Variants in TEX101 observed in about 807,000 individuals in gnomAD.
TEX101 encodes the protein testis-expressed protein 101.
Under a neutral mutation model 18.1 loss-of-function variants are expected in TEX101, and 10 were observed. The ratio of observed to expected loss-of-function variants is 0.55; its 90% CI spans 0.34 to 0.94. The LOEUF (loss-of-function observed/expected upper bound fraction) is 0.94. TEX101 is among the 40% of genes least tolerant of loss of function. TEX101 has a pLI of 0.02. For synonymous variants in TEX101, 94 were observed against 114.8 expected (o/e 0.82, Z 1.16); for missense variants, 259 against 298.9 (o/e 0.87, Z 0.98).
chr19:43,398,266 A>T (rs200835700), upstream of TEX101, among the ~76,000 whole-genome samples: 34 of 125,156 alleles, frequency 2.7e-4, no homozygotes, highest in East Asian at 5.8e-3. Flanking sequence ...AATATATATA[A>T]AAATATATAT....
the TEX101 span, among the ~76,000 whole-genome samples, chr19:43,393,302 A>G: frequency 1.2e-4 from 18 of 152,284 alleles, no homozygotes; most frequent in Admixed American, 5.2e-4. Flanking sequence ...GGGCGACCCA[A>G]TGCCCAGTGC....
chr19:43,404,286 T>C (rs549401284), intron 2 of TEX101, among the ~76,000 whole-genome samples: 80 of 152,284 alleles, frequency 5.3e-4, no homozygotes, highest in Non-Finnish European at 6.6e-4. Flanking sequence ...TGGGAATTAC[T>C]TCAGAGGAAT....
chr19:43,416,198 A>T lies in TEX101; in HGVS notation c.164A>T (p.Asp55Val). The T allele has an allele frequency of 6.2e-7, 1 of 1,612,156 alleles. No homozygotes were observed. The highest frequency in any genetic ancestry group is 1.7e-5 in the Admixed American group (1 of 59,198). The change falls in exon 3 of 6, where the codon GAC becomes GTC. Residue 55 changes from aspartate to valine, a missense_variant. Asp to Val is a radical substitution (Grantham distance 152). Coordinates refer to ENST00000598265, the MANE Select transcript of TEX101 (RefSeq NM_001130011.3). Reference protein sequence around the residue: ...NWTTEEVETCDKGALCQETIL... With the variant: ...NWTTEEVETCVKGALCQETIL... Reference sequence around the variant, plus strand: ...ACCACAGAGGAAGTGGAGACTTGTGACAAAGGGGCACTTTGCCAGGAAACC... The same window carrying T: ...ACCACAGAGGAAGTGGAGACTTGTGTCAAAGGGGCACTTTGCCAGGAAACC...
upstream of TEX101, among the ~76,000 whole-genome samples, chr19:43,398,740 C>A (rs1023953352): frequency 2.0e-5 from 3 of 152,124 alleles, no homozygotes; most frequent in African/African-American, 7.2e-5. Context: ...CAAACTGAAA[C>A]CTGCGTTGTT....
chr19:43,411,108 GCT>G (rs1295711196), upstream of TEX101, among the ~76,000 whole-genome samples: 1 of 152,096 alleles, frequency 6.6e-6, no homozygotes, highest in African/African-American at 2.4e-5. Context: ...ACAGAGTCTT[GCT>G]CTGTCACCCA....
the TEX101 span, among the ~76,000 whole-genome samples, chr19:43,390,651 C>G: frequency 6.6e-6 from 1 of 150,636 alleles, no homozygotes; most frequent in Non-Finnish European, 1.5e-5. Context: ...GTAGTTTTAG[C>G]AGAGAGGGGA....
chr19:43,391,869 G>A, the TEX101 span, among the ~76,000 whole-genome samples: 1 of 152,212 alleles, frequency 6.6e-6, no homozygotes, highest in Non-Finnish European at 1.5e-5. Context: ...GCATTGGTGA[G>A]AGGATGTGAC....
the TEX101 span, among the ~76,000 whole-genome samples, chr19:43,396,199 A>G: frequency 1.3e-5 from 2 of 152,172 alleles, no homozygotes; most frequent in African/African-American, 2.4e-5. Flanking sequence ...ACCAGCACCA[A>G]GTGGAGAGAT....
chr19:43,391,986 C>G, the TEX101 span, among the ~76,000 whole-genome samples: 17 of 152,258 alleles, frequency 1.1e-4, no homozygotes, highest in African/African-American at 4.1e-4. Context: ...AGCACAGAAC[C>G]CTGCTGGCCA....
upstream of TEX101, among the ~76,000 whole-genome samples, chr19:43,399,146 C>A (rs1384670204): frequency 6.6e-6 from 1 of 152,116 alleles, no homozygotes; most frequent in African/African-American, 2.4e-5. Context: ...CACTCTAAGC[C>A]CTCTATTCTC....
At chr19:43,397,775 C>A, upstream of TEX101, among the ~76,000 whole-genome samples, 1 of 122,158 alleles carries the variant, frequency 8.2e-6, no homozygotes, top group East Asian at 2.2e-4. Flanking sequence ...ATATCTTTTC[C>A]ATGTATATAT....
intron 3 of TEX101, among the ~76,000 whole-genome samples, chr19:43,409,053 C>A (rs553601253): frequency 4.7e-4 from 71 of 152,340 alleles, no homozygotes; most frequent in African/African-American, 1.7e-3. Context: ...AAACTTCAGA[C>A]ACGTTAAATT....
At chr19:43,394,340 A>G in the TEX101 span, among the ~76,000 whole-genome samples, 1 of 150,514 alleles carries the variant, frequency 6.6e-6, no homozygotes, top group South Asian at 2.1e-4. Flanking sequence ...GCATCCTACA[A>G]TGTTCTTGCA....
upstream of TEX101, among the ~76,000 whole-genome samples, chr19:43,411,152 C>A (rs1228498082): frequency 6.6e-6 from 1 of 152,250 alleles, no homozygotes; most frequent in Admixed American, 6.5e-5. Flanking sequence ...TCTTGACTCA[C>A]TGCAGCCTCC....
At chr19:43,390,625 G>A in the TEX101 span, among the ~76,000 whole-genome samples, 12 of 151,196 alleles carry the variant, frequency 7.9e-5, no homozygotes, top group Admixed American at 4.6e-4. Flanking sequence ...ATGCCACCAC[G>A]CCCGGCTAAT....
chr19:43,410,765 TACAC>T (rs375537932), upstream of TEX101, among the ~76,000 whole-genome samples: 85 of 147,770 alleles, frequency 5.8e-4, no homozygotes, highest in African/African-American at 1.9e-3. Context: ...AGCACACAGA[TACAC>T]ACAGACATAC....
the TEX101 span, among the ~76,000 whole-genome samples, chr19:43,388,819 A>G: frequency 8.6e-5 from 13 of 152,004 alleles, no homozygotes; most frequent in Admixed American, 7.2e-4. Flanking sequence ...AGTTTCTTTT[A>G]CTTCTATGGA....
intron 1 of TEX101, among the ~76,000 whole-genome samples, chr19:43,415,600 A>G (rs1028311209): frequency 2.0e-5 from 3 of 151,926 alleles, no homozygotes; most frequent in African/African-American, 4.8e-5. Flanking sequence ...CATCTCTACT[A>G]AAAATACAAA....
At chr19:43,391,623 A>G in the TEX101 span, among the ~76,000 whole-genome samples, 23 of 151,936 alleles carry the variant, frequency 1.5e-4, no homozygotes, top group African/African-American at 4.6e-4. Context: ...TTCTCACTAT[A>G]CGGTGTATCT....
Sources: gnomAD v4.1 joint callset for allele counts (sites outside exome capture counted in the v4.1 genomes callset) on GRCh38, gnomAD v4.1.1 for gene constraint, MANE v1.5 for transcripts, NCBI Gene and HGNC (gene_info 2026-07-23, HGNC 2026-07-21) for gene names.